The following MARCHF1 variants were observed in gnomAD, a reference collection of about 807,000 sequenced individuals.
The protein encoded by MARCHF1 is E3 ubiquitin-protein ligase MARCHF1.
In MARCHF1, 40 loss-of-function variants were observed where a neutral mutation model predicts 54.2. The observed-to-expected ratio is 0.74, with a 90% CI of 0.57 to 0.96. The LOEUF (loss-of-function observed/expected upper bound fraction) is 0.96. Among genes scored for constraint, MARCHF1 ranks in the 40% least tolerant of loss-of-function variants. The pLI is 0.00. For synonymous variants in MARCHF1, 236 were observed against 236.3 expected (o/e 1.00, Z 0.01); for missense variants, 586 against 656.5 (o/e 0.89, Z 1.17).
intron 8 of MARCHF1, among the ~76,000 whole-genome samples, chr4:163,550,233 G>A (rs1264235567): frequency 1.4e-5 from 2 of 145,152 alleles, no homozygotes; most frequent in Non-Finnish European, 3.0e-5. Flanking sequence ...AGTGGGCCGA[G>A]ATCGCGCCAC....
chr4:164,149,768 T>C (rs1729881965), intron 1 of MARCHF1, among the ~76,000 whole-genome samples: 1 of 152,156 alleles, frequency 6.6e-6, no homozygotes, highest in African/African-American at 2.4e-5. Flanking sequence ...ACATTTTGGA[T>C]GAATGATGTA....
At chr4:163,710,347 C>T (rs1320208875) in intron 4 of MARCHF1, among the ~76,000 whole-genome samples, 6 of 151,914 alleles carry the variant, frequency 3.9e-5, no homozygotes, top group Admixed American at 6.6e-5. Flanking sequence ...ATGACAAAAC[C>T]GCAATTACTT....
At chr4:164,144,469 A>G (rs1344955313) in intron 1 of MARCHF1, among the ~76,000 whole-genome samples, 4 of 151,882 alleles carry the variant, frequency 2.6e-5, no homozygotes, top group South Asian at 2.1e-4. Context: ...ATAACAAACG[A>G]TCTCTCAGAC....
At chr4:164,258,816 T>C (rs1733368237) in intron 1 of MARCHF1, among the ~76,000 whole-genome samples, 1 of 152,166 alleles carries the variant, frequency 6.6e-6, no homozygotes. Context: ...TGAGGAATTG[T>C]TATCTTTAGA....
At chr4:163,797,759 T>C (rs1747959922) in intron 4 of MARCHF1, among the ~76,000 whole-genome samples, 1 of 152,104 alleles carries the variant, frequency 6.6e-6, no homozygotes, top group African/African-American at 2.4e-5. Flanking sequence ...GAAAATCCAT[T>C]CTTATTTATC....
intron 4 of MARCHF1, among the ~76,000 whole-genome samples, chr4:163,732,116 T>C (rs1464773681): frequency 6.6e-6 from 1 of 151,956 alleles, no homozygotes; most frequent in Non-Finnish European, 1.5e-5. Flanking sequence ...TCAAAACTTA[T>C]ATATAAATGA....
intron 5 of MARCHF1, among the ~76,000 whole-genome samples, chr4:163,624,221 G>A (rs958053775): frequency 1.2e-4 from 18 of 152,120 alleles, no homozygotes; most frequent in Non-Finnish European, 2.2e-4. Flanking sequence ...ACTATCAACC[G>A]AGAATGCTCC....
In MARCHF1 at chr4:163,714,004, T is replaced by C. The variant is rs371973840; in HGVS notation, c.112-13141A>G. On this transcript the variant is annotated intron_variant, in intron 4 of 9. Transcript: ENST00000514618. ...GCATAACAATAAATTTGCAGTAAGATTGTACGTAGTTGAAATTATAAATCA... is the reference window on the plus strand; with the variant it reads ...GCATAACAATAAATTTGCAGTAAGACTGTACGTAGTTGAAATTATAAATCA... Among the ~76,000 whole-genome samples, 20 of 152,310 alleles carry C rather than the reference T, an allele frequency of 1.3e-4. No homozygotes were observed. The East Asian group carries it at 1.5e-3, about 12-fold the overall frequency.
chr4:163,854,477 A>T (rs997756345), intron 3 of MARCHF1, among the ~76,000 whole-genome samples: 2 of 152,208 alleles, frequency 1.3e-5, no homozygotes, highest in Non-Finnish European at 2.9e-5. Context: ...AGATCAGCTT[A>T]TAACAGTAAG....
At chr4:163,546,548 A>G (rs1269044219) in intron 8 of MARCHF1, among the ~76,000 whole-genome samples, 4 of 152,242 alleles carry the variant, frequency 2.6e-5, no homozygotes, top group Non-Finnish European at 5.9e-5. Flanking sequence ...TATAAATTTA[A>G]TAAGTATTTG....
intron 1 of MARCHF1, among the ~76,000 whole-genome samples, chr4:164,183,377 ATTTC>A (rs1208793197): frequency 1.3e-5 from 2 of 152,054 alleles, no homozygotes; most frequent in Non-Finnish European, 2.9e-5. Context: ...TATTTGGTCT[ATTTC>A]TTTATAATCT....
chr4:163,852,450 C>A (rs1276623472), intron 4 of MARCHF1, among the ~76,000 whole-genome samples: 2 of 152,144 alleles, frequency 1.3e-5, no homozygotes, highest in African/African-American at 2.4e-5. Flanking sequence ...TGACAAAGTG[C>A]AGCTGTACGC....
intron 4 of MARCHF1, among the ~76,000 whole-genome samples, chr4:163,799,515 G>T (rs1561083856): frequency 6.6e-6 from 1 of 151,992 alleles, no homozygotes; most frequent in Non-Finnish European, 1.5e-5. Context: ...ATGTAAAAAG[G>T]CATATAAGCT....
intron 2 of MARCHF1, among the ~76,000 whole-genome samples, chr4:164,110,653 A>G (rs1241306942): frequency 2.0e-5 from 3 of 151,382 alleles, no homozygotes; most frequent in Non-Finnish European, 4.4e-5. Flanking sequence ...TTCATTTACT[A>G]TGAGGCGATA....
intron 1 of MARCHF1, among the ~76,000 whole-genome samples, chr4:164,338,651 A>T (rs567785153): frequency 6.6e-6 from 1 of 152,332 alleles, no homozygotes; most frequent in African/African-American, 2.4e-5. Context: ...GTAACAAGTG[A>T]TAAAGAAGGT....
chr4:163,906,464 AT>A (rs926954406), intron 3 of MARCHF1, among the ~76,000 whole-genome samples: 28 of 150,308 alleles, frequency 1.9e-4, no homozygotes, highest in East Asian at 5.8e-4. Flanking sequence ...CAATTCAAAT[AT>A]TTTTTTTTCA....
intron 2 of MARCHF1, among the ~76,000 whole-genome samples, chr4:164,092,084 T>C (rs1392183000): frequency 1.3e-5 from 2 of 152,170 alleles, no homozygotes; most frequent in African/African-American, 4.8e-5. Context: ...CGAGGCTTAC[T>C]TGGCTACTGC....
At chr4:164,075,283 T>C (rs988673326) in intron 2 of MARCHF1, among the ~76,000 whole-genome samples, 5 of 152,236 alleles carry the variant, frequency 3.3e-5, no homozygotes, top group Admixed American at 1.3e-4. Flanking sequence ...CCACACCCTT[T>C]TGTCATGTAG....
At chr4:163,639,560 C>T (rs564245370) in intron 5 of MARCHF1, among the ~76,000 whole-genome samples, 1 of 152,144 alleles carries the variant, frequency 6.6e-6, no homozygotes, top group African/African-American at 2.4e-5. Context: ...GACATTATGC[C>T]TTCAGAAAAT....
Sources: gnomAD v4.1 joint callset for allele counts (sites outside exome capture counted in the v4.1 genomes callset) on GRCh38, gnomAD v4.1.1 for gene constraint, MANE v1.5 for transcripts, NCBI Gene and HGNC (gene_info 2026-07-23, HGNC 2026-07-21) for gene names.